Variants in ZNF385D observed in about 807,000 individuals in gnomAD.
ZNF385D encodes zinc finger protein 385D.
ZNF385D carries 15 observed loss-of-function variants against 35.8 expected under a neutral mutation model. That is an observed-to-expected ratio of 0.42 (90% confidence interval 0.28 to 0.64). The LOEUF (loss-of-function observed/expected upper bound fraction) is 0.64. ZNF385D is among the 30% of genes least tolerant of loss of function. ZNF385D has a pLI of 0.23. For missense variants in ZNF385D, 474 were observed against 494.6 expected (o/e 0.96, Z 0.39); for synonymous variants, 212 against 186.8 (o/e 1.13, Z -1.10).
intron 2 of ZNF385D, among the ~76,000 whole-genome samples, chr3:22,180,350 A>C (rs1403295830): frequency 2.0e-5 from 3 of 152,242 alleles, no homozygotes; most frequent in African/African-American, 7.2e-5. Flanking sequence ...GAATTCTAAC[A>C]CAGGTACAAG....
At chr3:21,729,429 T>C (rs997584601) in intron 1 of ZNF385D, among the ~76,000 whole-genome samples, 19 of 152,072 alleles carry the variant, frequency 1.2e-4, no homozygotes, top group African/African-American at 4.3e-4. Flanking sequence ...CACTCCACCG[T>C]CTTTAAAGAT....
chr3:22,362,701 G>A (rs995421353), intron 2 of ZNF385D, among the ~76,000 whole-genome samples: 7 of 151,976 alleles, frequency 4.6e-5, no homozygotes, highest in Non-Finnish European at 1.0e-4. Context: ...ATAGAGTACT[G>A]CATAGATCAT....
chr3:22,002,499 G>A (rs2125416947), intron 3 of ZNF385D, among the ~76,000 whole-genome samples: 1 of 152,150 alleles, frequency 6.6e-6, no homozygotes, highest in Non-Finnish European at 1.5e-5. Flanking sequence ...CTACCAAACT[G>A]TTAAATAAGA....
At chr3:22,348,786 A>G (rs940035092) in intron 2 of ZNF385D, among the ~76,000 whole-genome samples, 4 of 152,174 alleles carry the variant, frequency 2.6e-5, no homozygotes, top group Non-Finnish European at 5.9e-5. Context: ...CTACCAGTTA[A>G]GGAGAGAGGC....
rs552981054 is a variant in ZNF385D, at chr3:21,826,337, T to G, written c.326-161309A>C. Among the ~76,000 whole-genome samples, 144 of 152,292 alleles carry G rather than the reference T, an allele frequency of 9.5e-4. 1 individual carries two copies. Among genetic ancestry groups the G allele is most frequent in the African/African-American group, 3.3e-3 (136 of 41,568 alleles). ...GAATTATCCGATAACTTGGGCTGCA[T>G]AGAATATTACTTACGTTTCCAGCAC... On this transcript the variant is annotated intron_variant, in intron 3 of 5. Coordinates refer to the ZNF385D transcript ENST00000494108.
At chr3:21,816,471 C>A (rs888202132) in intron 3 of ZNF385D, among the ~76,000 whole-genome samples, 9 of 152,168 alleles carry the variant, frequency 5.9e-5, no homozygotes, top group African/African-American at 1.4e-4. Flanking sequence ...TGTTAAGCAA[C>A]TTCAGCAAAG....
Position 21,612,034 on chromosome 3 carries a change from A to G in ZNF385D, c.166-47350T>C, listed in dbSNP as rs560635885. 3.8e-4 allele frequency among the ~76,000 whole-genome samples: 58 copies of G among 152,312 alleles called. 2 individuals carry two copies. In the South Asian group the frequency reaches 4.3e-3, roughly 11 times the overall value. ...GTTACCATCATTCTAGGCAGTTCAC[A>G]AATGTTATACCATTTAATCTTCAGG... On this transcript the variant is annotated intron_variant, in intron 2 of 7. Transcript: ENST00000281523.
chr3:21,577,826 TC>T (rs1466839584), intron 2 of ZNF385D, among the ~76,000 whole-genome samples: 1 of 151,398 alleles, frequency 6.6e-6, no homozygotes, highest in East Asian at 1.9e-4. Context: ...TTTTTTTTTT[TC>T]GAGACAGGGT....
At position 21,434,063 on chromosome 3, in the gene ZNF385D, T is replaced by C. The variant is rs545144894; in HGVS notation, c.673+2907A>G. Among the ~76,000 whole-genome samples, 232 of 152,312 alleles carry C rather than the reference T, an allele frequency of 1.5e-3. 2 individuals are homozygous for C. The highest frequency in any genetic ancestry group is 5.4e-3 in the African/African-American group (224 of 41,578). Reference sequence around the variant, plus strand: ...ATTAACAATGATAGCACAGTGATTATAAATATGAAGAAATAGAATCGGAAT... The same window carrying C: ...ATTAACAATGATAGCACAGTGATTACAAATATGAAGAAATAGAATCGGAAT... On this transcript the variant is annotated intron_variant, in intron 5 of 7. Coordinates refer to ENST00000281523, the MANE Select transcript of ZNF385D (RefSeq NM_024697.3).
At chr3:21,446,844 A>C (rs1424977434) in intron 4 of ZNF385D, among the ~76,000 whole-genome samples, 1 of 152,088 alleles carries the variant, frequency 6.6e-6, no homozygotes, top group Non-Finnish European at 1.5e-5. Context: ...ATGAGGAAGG[A>C]TAGAGACACA....
At chr3:22,214,085 T>G (rs1283234783) in intron 2 of ZNF385D, among the ~76,000 whole-genome samples, 1 of 152,062 alleles carries the variant, frequency 6.6e-6, no homozygotes, top group Admixed American at 6.6e-5. Context: ...ACGGAGGGAC[T>G]GGCTGAAGCC....
At chr3:21,499,795 C>T (rs71310259) in intron 4 of ZNF385D, among the ~76,000 whole-genome samples, 4 of 152,148 alleles carry the variant, frequency 2.6e-5, no homozygotes, top group East Asian at 1.9e-4. Flanking sequence ...TGAGCAATCA[C>T]GTAAATATAA....
intron 2 of ZNF385D, among the ~76,000 whole-genome samples, chr3:22,279,256 C>T (rs1000657580): frequency 6.6e-6 from 1 of 151,818 alleles, no homozygotes; most frequent in Non-Finnish European, 1.5e-5. Flanking sequence ...ATCCCTCACA[C>T]CCCTCCCACT....
At position 21,502,537 on chromosome 3, in the gene ZNF385D, C is replaced by T. The variant is rs143602369; in HGVS notation, c.439+8324G>A. ...CAAAACTTTTATCAGCCAAATAGAA[C>T]CAGCCAAATATCATTCATCATAATT... On this transcript the variant is annotated intron_variant, in intron 4 of 7. Transcript: ENST00000281523. 2.2e-3 allele frequency among the ~76,000 whole-genome samples: 330 copies of T among 152,224 alleles called. 1 individual carries two copies. The highest frequency in any genetic ancestry group is 7.2e-3 in the African/African-American group (300 of 41,556).
In ZNF385D at chr3:22,005,083, A is replaced by AAAAAAAAC. The variant is rs1553717904; in HGVS notation, c.325+163733_325+163734insGTTTTTTT. The stretch of plus-strand genomic sequence containing the variant: ...AAAAAAAAAAAAAAAAAAAAAAAAA[A>AAAAAAAAC]AGGCAGAAAAGCAGATAATCCCATT... On this transcript the variant is annotated intron_variant, in intron 3 of 5. Transcript: ENST00000494108. Among the ~76,000 whole-genome samples, 4 of 117,312 alleles carry AAAAAAAAC rather than the reference A, an allele frequency of 3.4e-5. 1 individual carries two copies. The highest frequency in any genetic ancestry group is 1.0e-4 in the African/African-American group (3 of 28,656). 77.0% of individuals were successfully genotyped at this position (117,312 alleles called of 152,430 possible).
intron 3 of ZNF385D, among the ~76,000 whole-genome samples, chr3:22,023,300 C>A (rs536961196): frequency 5.3e-5 from 8 of 152,136 alleles, no homozygotes; most frequent in Admixed American, 3.9e-4. Context: ...TTGGTGCCAC[C>A]AATTAGCTCA....
chr3:21,640,512 G>A (rs2065573317), intron 2 of ZNF385D, among the ~76,000 whole-genome samples: 1 of 152,030 alleles, frequency 6.6e-6, no homozygotes, highest in Admixed American at 6.6e-5. Context: ...AGGTTTAGAG[G>A]CAATCAGGAG....
chr3:22,149,971 G>T (rs1008386020), intron 3 of ZNF385D, among the ~76,000 whole-genome samples: 3 of 152,018 alleles, frequency 2.0e-5, no homozygotes, highest in Non-Finnish European at 4.4e-5. Flanking sequence ...TTTTAATATT[G>T]AATTCCTAAA....
intron 3 of ZNF385D, among the ~76,000 whole-genome samples, chr3:21,814,482 G>A (rs543733845): frequency 6.6e-6 from 1 of 152,276 alleles, no homozygotes; most frequent in East Asian, 1.9e-4. Context: ...TAAAGGGATG[G>A]AGGAAGATCT....
Sources: gnomAD v4.1 joint callset for allele counts (sites outside exome capture counted in the v4.1 genomes callset) on GRCh38, gnomAD v4.1.1 for gene constraint, MANE v1.5 for transcripts, NCBI Gene and HGNC (gene_info 2026-07-23, HGNC 2026-07-21) for gene names.